PSMG1: variants seen among roughly 807,000 people sequenced by gnomAD.
PSMG1 encodes the protein proteasome assembly chaperone 1, also known as Down syndrome critical region gene 2.
PSMG1 carries 23 observed loss-of-function variants against 37.2 expected under a neutral mutation model. That is an observed-to-expected ratio of 0.62 (90% CI 0.44 to 0.88). The LOEUF (loss-of-function observed/expected upper bound fraction) is 0.88, where lower values mean the gene tolerates loss of function less well. PSMG1 is among the 40% of genes least tolerant of loss of function. PSMG1 has a pLI of 0.00. For missense variants in PSMG1, 340 were observed against 344.2 expected, an observed-to-expected ratio of 0.99 and a Z score of 0.10; for synonymous variants, 127 against 128.0, an observed-to-expected ratio of 0.99 and a Z score of 0.05.
chr21:39,175,712 G>T, intron 6 of PSMG1, 48 bp from the exon 7 acceptor site: 1 of 1,257,886 alleles, frequency 7.9e-7, no homozygotes. Context: ...AGGGATTCAG[G>T]CAGAGGCAAC....
chr21:39,175,628 T>A lies in PSMG1; in HGVS notation c.829A>T (p.Met277Leu). The change falls in exon 7 of 7, where the codon ATG becomes TTG. Residue 277 changes from methionine to leucine, a missense_variant. Physicochemically the swap from Met to Leu is conservative, Grantham distance 15. Transcript: ENST00000331573. ...PQSTEILKKL[M>L]TTNEIQSNIY... ...TTACTCTGAATCTCATTTGTTGTCA[T>A]CAATTTCTTTAGTATCTCAGTGCTT... 14 of 1,592,830 alleles carry A rather than the reference T, an allele frequency of 8.8e-6. No individual in the cohort carries two copies. The highest frequency in any genetic ancestry group is 1.2e-5 in the Non-Finnish European group (14 of 1,160,860).
At chr21:39,176,302 A>G (rs2030623501) in intron 6 of PSMG1, among the ~76,000 whole-genome samples, 1 of 152,186 alleles carries the variant, frequency 6.6e-6, no homozygotes, top group Non-Finnish European at 1.5e-5. Context: ...CTTAAGCCCC[A>G]TATGACAGAT....
intron 4 of PSMG1, 44 bp downstream of exon 4, chr21:39,179,880 A>G: frequency 6.6e-7 from 1 of 1,522,826 alleles, no homozygotes; most frequent in Non-Finnish European, 8.9e-7. Context: ...AAAAATGAAA[A>G]CTCCTGTAGA....
In PSMG1 at chr21:39,182,947, TGCTCCAGAAAC is replaced by T. The variant is rs1254777650; in HGVS notation, c.134+294_134+304del. The T allele has an allele frequency of 1.2e-5, 4 of 321,486 alleles. No homozygotes were observed. The East Asian group carries it at 1.7e-4, about 13-fold the overall frequency. 19.9% of individuals were successfully genotyped at this position (321,486 alleles called of 1,614,324 possible). ...CCGCAAGACACCAAGCCTCCAGAAA[TGCTCCAGAAAC>T]GCTCCAGAAAGCCTTTAAAGAACGG... On this transcript the variant is annotated intron_variant, in intron 1 of 6. Coordinates refer to ENST00000331573, the MANE Select transcript of PSMG1 (RefSeq NM_003720.4).
At position 39,175,018 on chromosome 21, in the gene PSMG1, C is replaced by T. The variant is rs748083356; in HGVS notation, c.*572G>A. The T allele has an allele frequency of 6.6e-6, 1 of 152,188 alleles. No individual in the cohort carries two copies. Among genetic ancestry groups the T allele is most frequent in the Admixed American group, 6.5e-5 (1 of 15,274 alleles). 9.4% of individuals were successfully genotyped at this position (152,188 alleles called of 1,614,324 possible). ...TTTACCCACAAGATAAAAAAAACTG[C>T]AGGACTCCTAAAATATCCAGAAACT... On this transcript the variant is annotated 3_prime_UTR_variant, in exon 7 of 7. Transcript: ENST00000331573.
chr21:39,175,513 G>T lies in PSMG1; in HGVS notation c.*77C>A. The stretch of plus-strand genomic sequence containing the variant: ...CATTCTCAAAATATATCCCCCAAAA[G>T]TAATCTACAAAAGAGTGCAGGCTGC... On this transcript the variant is annotated 3_prime_UTR_variant, in exon 7 of 7. Transcript: ENST00000331573. 1 of 1,442,498 alleles carries T rather than the reference G, an allele frequency of 6.9e-7. No individual in the cohort carries two copies. Among genetic ancestry groups the T allele is most frequent in the East Asian group, 2.6e-5 (1 of 38,560 alleles). The allele number at this position is 1,442,498 out of a possible 1,614,324, so 89.4% of individuals were successfully genotyped here. A position where few individuals can be genotyped will look rare whatever the true frequency, so the allele number is the denominator to read the frequency against.
intron 4 of PSMG1, among the ~76,000 whole-genome samples, chr21:39,178,981 T>A (rs1002337863): frequency 6.6e-6 from 1 of 152,102 alleles, no homozygotes; most frequent in African/African-American, 2.4e-5. Flanking sequence ...TGGGGGTAGA[T>A]CCCTCATGAA....
At chr21:39,180,497 T>A (rs1453281625) in intron 2 of PSMG1, 61 bp from the exon 3 acceptor site, 2 of 1,459,416 alleles carry the variant, frequency 1.4e-6, no homozygotes, top group African/African-American at 1.4e-5. Flanking sequence ...TTCTATTCAA[T>A]AAAAAGTAAG....
At chr21:39,179,865 C>A in intron 4 of PSMG1, 59 bp downstream of exon 4, 1 of 1,418,916 alleles carries the variant, frequency 7.0e-7, no homozygotes, top group Admixed American at 1.9e-5. Context: ...GACATCGAAC[C>A]CTTAAAAAAT....
In PSMG1 at chr21:39,180,308, A is replaced by G. The variant is rs1208413855; in HGVS notation, c.370T>C (p.Tyr124His). The G allele has an allele frequency of 2.5e-6, 4 of 1,606,066 alleles. No individual in the cohort carries two copies. Among genetic ancestry groups the G allele is most frequent in the Non-Finnish European group, 2.5e-6 (3 of 1,177,010 alleles). ...ACCGAGGGATTGGATTTTAGATGAT[A>G]AAACACACAAAAAGCCTCTGTGGAG... Reference protein sequence around the residue: ...LSSTEAFCVFYHLKSNPSVFL... With the variant: ...LSSTEAFCVFHHLKSNPSVFL... Residue 124 changes from tyrosine (Y) to histidine (H), a missense_variant, in exon 3 of 7, where the codon TAT (tyrosine) becomes CAT (histidine). Coordinates refer to ENST00000331573, the MANE Select transcript of PSMG1 (RefSeq NM_003720.4).
intron 5 of PSMG1, among the ~76,000 whole-genome samples, chr21:39,178,139 C>T (rs1263990445): frequency 6.6e-6 from 1 of 152,132 alleles, no homozygotes; most frequent in Non-Finnish European, 1.5e-5. Context: ...TGTACTTTAT[C>T]AACTTTTGAT....
chr21:39,183,255 T>C lies in PSMG1; in HGVS notation c.131A>G (p.Lys44Arg), dbSNP rs200000347. Residue 44 changes from lysine (K) to arginine (R), a missense_variant, in exon 1 of 7, where the codon AAG becomes AGG. By Grantham distance (26) the Lys-to-Arg change is conservative (BLOSUM62 2). Coordinates refer to ENST00000331573, the MANE Select transcript of PSMG1 (RefSeq NM_003720.4). ...TGCCCTTATCCCGGTGCCTCACCTC[T>C]TCCGCGCCAGCTGCAGACGCACCTC... ...DREVRLQLAR[K>R]REVRLLRRQT... 3 of 1,582,408 alleles carry C rather than the reference T, an allele frequency of 1.9e-6. No individual in the cohort carries two copies. The highest frequency in any genetic ancestry group is 1.7e-6 in the Non-Finnish European group (2 of 1,168,452).
intron 5 of PSMG1, 61 bp downstream of exon 5, chr21:39,178,388 T>C (rs2030699788): frequency 1.0e-5 from 15 of 1,482,420 alleles, no homozygotes; most frequent in Non-Finnish European, 1.3e-5. Flanking sequence ...CCTCTAATGG[T>C]GAAAAGTAGT....
intron 6 of PSMG1, among the ~76,000 whole-genome samples, chr21:39,176,157 T>C (rs2030619247): frequency 6.6e-6 from 1 of 152,232 alleles, no homozygotes; most frequent in South Asian, 2.1e-4. Flanking sequence ...CTCAGGCTGA[T>C]GTAATTGGTC....
chr21:39,181,981 G>C (rs1185070690), intron 1 of PSMG1, 103 bp from the exon 2 acceptor site: 1 of 642,122 alleles, frequency 1.6e-6, no homozygotes, highest in Non-Finnish European at 2.4e-6. Context: ...ATGCACGTTA[G>C]TTTTATAAAG....
chr21:39,179,048 G>C (rs1356506118), intron 4 of PSMG1, among the ~76,000 whole-genome samples: 1 of 152,066 alleles, frequency 6.6e-6, no homozygotes, highest in Non-Finnish European at 1.5e-5. Flanking sequence ...CTCAGTTCAT[G>C]CTAGAGCTGG....
intron 6 of PSMG1, among the ~76,000 whole-genome samples, chr21:39,176,010 C>T (rs924363740): frequency 1.3e-5 from 2 of 152,204 alleles, no homozygotes; most frequent in African/African-American, 2.4e-5. Context: ...ACTCTGCTCA[C>T]ACTGCTTCCC....
rs1180445248 is a variant in PSMG1 at position 39,181,811 on chromosome 21, A to T, written c.202T>A (p.Cys68Ser). ...LEVSLLEKYP[C>S]SKFIIAIGNN... Reference sequence around the variant, plus strand: ...CCTATAGCAATTATAAACTTGGAGCACGGATATTTTTCTAGCAAAGAAACT... The same window carrying T: ...CCTATAGCAATTATAAACTTGGAGCTCGGATATTTTTCTAGCAAAGAAACT... Residue 68 changes from cysteine to serine, a missense_variant, in exon 2 of 7, where the codon TGC becomes AGC. Coordinates refer to ENST00000331573, the MANE Select transcript of PSMG1 (RefSeq NM_003720.4). 4 of 1,595,348 alleles carry T rather than the reference A, an allele frequency of 2.5e-6. No individual in the cohort carries two copies. In the African/African-American group the frequency reaches 4.1e-5, roughly 16 times the overall value.
In PSMG1 at chr21:39,178,603, G is replaced by A; in HGVS notation, c.501C>T (p.Leu167=). 1 of 1,614,112 alleles carries A rather than the reference G, an allele frequency of 6.2e-7. No homozygotes were observed. The highest frequency in any genetic ancestry group is 8.5e-7 in the Non-Finnish European group (1 of 1,179,992). ...TATAATCGGTAACATGTCGACATGT[G>A]AGAATAGTTATCTGCATGTTCTTCC... ...CPRKNMQITI[L]TCRHVTDYKT... Residue 167 remains leucine, a synonymous_variant, in exon 5 of 7, where the codon CTC becomes CTT. Transcript: ENST00000331573.
Sources: gnomAD v4.1 joint callset for allele counts (sites outside exome capture counted in the v4.1 genomes callset) on GRCh38, gnomAD v4.1.1 for gene constraint, MANE v1.5 for transcripts, NCBI Gene and HGNC (gene_info 2026-07-23, HGNC 2026-07-21) for gene names.